The following PCP4L1 variants were observed in gnomAD, a reference collection of about 807,000 sequenced individuals.
PCP4L1 encodes Purkinje cell protein 4-like protein 1.
A neutral mutation model predicts 9.6 loss-of-function variants in PCP4L1; 9 were observed. The observed-to-expected ratio is 0.94, with a 90% CI of 0.57 to 1.64. PCP4L1 has a LOEUF of 1.64. Among genes scored for constraint, PCP4L1 ranks in the 40% most tolerant of loss-of-function variants. PCP4L1 has a pLI of 0.00. For missense variants in PCP4L1, 81 were observed against 80.8 expected, an observed-to-expected ratio of 1.00 and a Z score of -0.01; for synonymous variants, 31 against 28.2, an observed-to-expected ratio of 1.10 and a Z score of -0.31.
rs1311357640 is a variant in PCP4L1, at chr1:161,283,662, T to G, written c.10-6T>G. On this transcript the variant is annotated splice_region_variant and splice_polypyrimidine_tract_variant and intron_variant, in intron 1 of 2. Coordinates refer to ENST00000504449, the MANE Select transcript of PCP4L1 (RefSeq NM_001102566.2). ...TAATATTCTGATATCCTAATATTTT[T>G]TCCAGCTTAATACCAAAACATCCCC... is the stretch of plus-strand genomic sequence containing the variant. 2 of 1,591,634 alleles carry G rather than the reference T, an allele frequency of 1.3e-6. No homozygotes were observed. The highest frequency in any genetic ancestry group is 1.7e-6 in the Non-Finnish European group (2 of 1,168,090).
At chr1:161,272,717 T>C (rs1166094644) in intron 1 of PCP4L1, among the ~76,000 whole-genome samples, 1 of 151,984 alleles carries the variant, frequency 6.6e-6, no homozygotes, top group African/African-American at 2.4e-5. Flanking sequence ...ATATATTTAT[T>C]TATCCTAAGT....
intron 1 of PCP4L1, among the ~76,000 whole-genome samples, chr1:161,279,680 T>C (rs1669761328): frequency 6.6e-6 from 1 of 152,210 alleles, no homozygotes; most frequent in Admixed American, 6.5e-5. Context: ...TTTTGTATTT[T>C]GTTAAATATA....
Position 161,285,380 on chromosome 1 carries a change from TCCA to T in PCP4L1, c.*900_*902del, listed in dbSNP as rs1364597412. 24 of 152,306 alleles carry T rather than the reference TCCA, an allele frequency of 1.6e-4. No homozygotes were observed. The highest frequency in any genetic ancestry group is 3.1e-4 in the Non-Finnish European group (21 of 68,018). The allele number at this position is 152,306 out of a possible 1,614,324, so 9.4% of individuals were successfully genotyped here. A position where few individuals can be genotyped will look rare whatever the true frequency, so the allele number is the denominator to read the frequency against. On this transcript the variant is annotated 3_prime_UTR_variant, in exon 3 of 3. Transcript: ENST00000504449. ...GTCAGGGCAAAAGTGGAATAGCCAC[TCCA>T]TGTGATTTTAGCATGTTTAATCATT... is the stretch of plus-strand genomic sequence containing the variant.
At chr1:161,280,123 G>A (rs1308297219) in intron 1 of PCP4L1, among the ~76,000 whole-genome samples, 1 of 152,090 alleles carries the variant, frequency 6.6e-6, no homozygotes, top group African/African-American at 2.4e-5. Flanking sequence ...TACTTGCCTA[G>A]GTGAGTATTT....
rs967139910 is a variant in PCP4L1, at chr1:161,258,903, C to T, written c.-72C>T. 1.1e-5 allele frequency: 17 copies of T among 1,534,310 alleles called. No individual in the cohort carries two copies. Among genetic ancestry groups the T allele is most frequent in the Non-Finnish European group, 1.3e-5 (15 of 1,145,646 alleles). On this transcript the variant is annotated 5_prime_UTR_variant, in exon 1 of 3. Transcript: ENST00000504449. ...AGAGCCCGGCAACTTTCAGCTGTCG[C>T]CCGCGGAGCCCCGAGGGCCACTCGC...
At chr1:161,284,296 CA>C (rs1558147782) in intron 2 of PCP4L1, 42 bp from the exon 3 acceptor site, 1 of 1,613,702 alleles carries the variant, frequency 6.2e-7, no homozygotes, top group East Asian at 2.2e-5. Flanking sequence ...GGGTCTAGAG[CA>C]GGTCAGATTA....
At position 161,285,188 on chromosome 1, in the gene PCP4L1, G is replaced by A. The variant is rs1669888517; in HGVS notation, c.*707G>A. The A allele has an allele frequency of 6.6e-6, 1 of 152,396 alleles. No homozygotes were observed. Among genetic ancestry groups the A allele is most frequent in the African/African-American group, 2.4e-5 (1 of 41,424 alleles). The allele number at this position is 152,396 out of a possible 1,614,324, so 9.4% of individuals were successfully genotyped here. A position where few individuals can be genotyped will look rare whatever the true frequency, so the allele number is the denominator to read the frequency against. On this transcript the variant is annotated 3_prime_UTR_variant, in exon 3 of 3. Transcript: ENST00000504449. Reference sequence around the variant, plus strand: ...GCACATATAGGGAGGAAAGAAAAGTGAAGAAGGGGGAAATCTCTGAATTTT... The same window carrying A: ...GCACATATAGGGAGGAAAGAAAAGTAAAGAAGGGGGAAATCTCTGAATTTT...
rs144358911 is a variant in PCP4L1 at position 161,268,264 on chromosome 1, G to GA, written c.9+9291dup. ...GATTTCTAGGGCTTGTTTAGAAGGG[G>GA]AAAAAAAAAAGTATTTATGAAACTC... On this transcript the variant is annotated intron_variant, in intron 1 of 2. Coordinates refer to ENST00000504449, the MANE Select transcript of PCP4L1 (RefSeq NM_001102566.2). 1.0e-3 allele frequency among the ~76,000 whole-genome samples: 156 copies of GA among 150,340 alleles called. 2 individuals are homozygous for GA. The East Asian group carries it at 0.026, about 25-fold the overall frequency.
At chr1:161,277,820 T>G (rs181140184) in intron 1 of PCP4L1, among the ~76,000 whole-genome samples, 4 of 152,322 alleles carry the variant, frequency 2.6e-5, no homozygotes, top group African/African-American at 7.2e-5. Context: ...CTCAAACATT[T>G]AATACTTCCG....
At chr1:161,270,582 A>G (rs1669607582) in intron 1 of PCP4L1, among the ~76,000 whole-genome samples, 1 of 149,260 alleles carries the variant, frequency 6.7e-6, no homozygotes, top group South Asian at 2.1e-4. Context: ...AAAAAAAAAG[A>G]GAGACCCCAG....
intron 1 of PCP4L1, among the ~76,000 whole-genome samples, chr1:161,272,529 G>A (rs995683554): frequency 1.4e-5 from 2 of 143,988 alleles, no homozygotes; most frequent in Admixed American, 7.1e-5. Context: ...CTGCACTCCA[G>A]CCTGGGCAAC....
intron 1 of PCP4L1, among the ~76,000 whole-genome samples, chr1:161,260,682 A>T (rs1669402525): frequency 6.6e-6 from 1 of 152,130 alleles, no homozygotes. Context: ...GTAGCAAAGG[A>T]AACAATTCGG....
At chr1:161,260,481 AC>A (rs1460114537) in intron 1 of PCP4L1, among the ~76,000 whole-genome samples, 1 of 152,144 alleles carries the variant, frequency 6.6e-6, no homozygotes, top group Admixed American at 6.5e-5. Flanking sequence ...TACTCCTCCC[AC>A]CCCGAGCATT....
rs1324517446 is a variant in PCP4L1, at chr1:161,258,997, C to A, written c.9+14C>A. On this transcript the variant is annotated intron_variant, in intron 1 of 2. Coordinates refer to ENST00000504449, the MANE Select transcript of PCP4L1 (RefSeq NM_001102566.2). Reference sequence around the variant, plus strand: ...GAGATGAGCGAGGTGAGCGGTGCGGCCCCCGGCGCTGTCGGCAGGGCTGCG... The same window carrying A: ...GAGATGAGCGAGGTGAGCGGTGCGGACCCCGGCGCTGTCGGCAGGGCTGCG... 3.3e-6 allele frequency: 5 copies of A among 1,530,976 alleles called. No individual in the cohort carries two copies. The highest frequency in any genetic ancestry group is 2.8e-5 in the African/African-American group (2 of 72,646). The allele number at this position is 1,530,976 out of a possible 1,614,324, so 94.8% of individuals were successfully genotyped here. A position where few individuals can be genotyped will look rare whatever the true frequency, so the allele number is the denominator to read the frequency against.
At chr1:161,261,572 T>C (rs1669417442) in intron 1 of PCP4L1, among the ~76,000 whole-genome samples, 1 of 152,262 alleles carries the variant, frequency 6.6e-6, no homozygotes, top group Non-Finnish European at 1.5e-5. Flanking sequence ...GAGAGATGTG[T>C]TCAGTCCCTG....
chr1:161,271,111 T>G (rs2502813), intron 1 of PCP4L1, among the ~76,000 whole-genome samples: 69,592 of 152,020 alleles, frequency 0.46, 16,374 homozygotes, highest in East Asian at 0.64. Flanking sequence ...GGATTGCTGG[T>G]TGGTATGGTA....
In PCP4L1 at chr1:161,284,587, A is replaced by G. The variant is rs987338664; in HGVS notation, c.*106A>G. The G allele has an allele frequency of 6.9e-7, 1 of 1,441,188 alleles. No individual in the cohort carries two copies. Among genetic ancestry groups the G allele is most frequent in the Non-Finnish European group, 9.4e-7 (1 of 1,068,708 alleles). 89.3% of individuals were successfully genotyped at this position (1,441,188 alleles called of 1,614,324 possible). On this transcript the variant is annotated 3_prime_UTR_variant, in exon 3 of 3. Transcript: ENST00000504449. ...TGTCCCTCTAGCCTTTCCTTGAGGC[A>G]AGTTCAACCTTTATATACTCTTGTA...
In PCP4L1 at chr1:161,258,864, G is replaced by C. The variant is rs1028380074; in HGVS notation, c.-111G>C. 51 of 1,474,530 alleles carry C rather than the reference G, an allele frequency of 3.5e-5. No homozygotes were observed. Among genetic ancestry groups the C allele is most frequent in the Non-Finnish European group, 4.7e-5 (51 of 1,091,686 alleles). 91.3% of individuals were successfully genotyped at this position (1,474,530 alleles called of 1,614,324 possible). A position where few individuals can be genotyped will look rare whatever the true frequency, so the allele number is the denominator to read the frequency against. On this transcript the variant is annotated 5_prime_UTR_variant, in exon 1 of 3. Coordinates refer to ENST00000504449, the MANE Select transcript of PCP4L1 (RefSeq NM_001102566.2). ...ACTAACTCTCCTCTCCTGGTCAGCT[G>C]TAACCCCTGCCGCAGAGCCCGGCAA... is the stretch of plus-strand genomic sequence containing the variant.
chr1:161,274,914 TCTC>T (rs1669674952), intron 1 of PCP4L1, among the ~76,000 whole-genome samples: 1 of 152,140 alleles, frequency 6.6e-6, no homozygotes, highest in African/African-American at 2.4e-5. Context: ...GGAGTTTTCT[TCTC>T]CTTGCAGCAT....
Sources: gnomAD v4.1 joint callset for allele counts (sites outside exome capture counted in the v4.1 genomes callset) on GRCh38, gnomAD v4.1.1 for gene constraint, MANE v1.5 for transcripts, NCBI Gene and HGNC (gene_info 2026-07-23, HGNC 2026-07-21) for gene names.